The following GALNT13 variants were observed in gnomAD, a reference collection of about 807,000 sequenced individuals.
GALNT13 encodes polypeptide N-acetylgalactosaminyltransferase 13, also known as UDP-GalNAc:polypeptide N-acetylgalactosaminyltransferase 13.
GALNT13 carries 28 observed loss-of-function variants against 64.2 expected under a neutral mutation model. The observed-to-expected ratio is 0.44, with a 90% confidence interval of 0.32 to 0.60. The LOEUF is 0.60. GALNT13 is among the 20% of genes least tolerant of loss of function. The pLI is 0.05. For synonymous variants in GALNT13, 214 were observed against 224.6 expected, an observed-to-expected ratio of 0.95 and a Z score of 0.42; for missense variants, 577 against 669.8, an observed-to-expected ratio of 0.86 and a Z score of 1.53.
At chr2:153,977,112 A>G (rs962506380) in intron 3 of GALNT13, among the ~76,000 whole-genome samples, 2 of 152,170 alleles carry the variant, frequency 1.3e-5, no homozygotes, top group Non-Finnish European at 2.9e-5. Context: ...ATCTAGGTGT[A>G]GTAAGCTGTC....
the GALNT13 span, among the ~76,000 whole-genome samples, chr2:153,611,039 A>T: frequency 6.6e-6 from 1 of 152,186 alleles, no homozygotes; most frequent in Non-Finnish European, 1.5e-5. Flanking sequence ...AAATATAGTC[A>T]TGATAAAGAT....
the GALNT13 span, among the ~76,000 whole-genome samples, chr2:153,551,104 C>A: frequency 9.5e-4 from 144 of 152,222 alleles, no homozygotes; most frequent in African/African-American, 3.3e-3. Flanking sequence ...AAATATTGCC[C>A]TTTAAAGCTG....
chr2:153,881,003 C>T (rs1439912656), intron 1 of GALNT13, among the ~76,000 whole-genome samples: 3 of 152,080 alleles, frequency 2.0e-5, no homozygotes, highest in Non-Finnish European at 4.4e-5. Context: ...TTAAAAAAGG[C>T]TGTTCATTTA....
chr2:153,386,119 A>G, the GALNT13 span, among the ~76,000 whole-genome samples: 8 of 152,054 alleles, frequency 5.3e-5, no homozygotes, highest in South Asian at 1.7e-3. Context: ...CATGTTCCAC[A>G]TATGCAAGAT....
chr2:153,258,068 A>G, the GALNT13 span, among the ~76,000 whole-genome samples: 32 of 152,360 alleles, frequency 2.1e-4, 1 homozygote, highest in South Asian at 3.9e-3. Flanking sequence ...ATTTGAGGGT[A>G]CAAACCTATG....
chr2:153,635,280 C>A, the GALNT13 span, among the ~76,000 whole-genome samples: 3 of 151,724 alleles, frequency 2.0e-5, no homozygotes, highest in Non-Finnish European at 2.9e-5. Context: ...AGTACACTAC[C>A]TTTCCACAAT....
the GALNT13 span, among the ~76,000 whole-genome samples, chr2:153,168,271 G>T: frequency 6.6e-6 from 1 of 152,158 alleles, no homozygotes; most frequent in East Asian, 1.9e-4. Context: ...ATATTTTAAT[G>T]TGAAATAGGA....
chr2:154,160,482 A>G (rs555315118), intron 4 of GALNT13, among the ~76,000 whole-genome samples: 152 of 152,196 alleles, frequency 1.0e-3, no homozygotes, highest in Non-Finnish European at 1.7e-3. Flanking sequence ...CAAATTTGCA[A>G]AGGTACTTCT....
the GALNT13 span, among the ~76,000 whole-genome samples, chr2:153,263,436 A>C: frequency 6.6e-6 from 1 of 152,162 alleles, no homozygotes; most frequent in Admixed American, 6.5e-5. Flanking sequence ...ACAGAATTAG[A>C]AAAAAATCTA....
At chr2:154,367,300 C>T (rs765955327) in intron 9 of GALNT13, among the ~76,000 whole-genome samples, 2 of 151,922 alleles carry the variant, frequency 1.3e-5, no homozygotes, top group Non-Finnish European at 2.9e-5. Context: ...TTTGTCAATC[C>T]CCTCTCTAGA....
chr2:154,376,325 T>C (rs1486694759), intron 9 of GALNT13, among the ~76,000 whole-genome samples: 1 of 152,176 alleles, frequency 6.6e-6, no homozygotes, highest in Non-Finnish European at 1.5e-5. Context: ...TTTGCTAATA[T>C]ATTGCATTAT....
At chr2:153,979,779 T>A (rs777383738) in intron 3 of GALNT13, among the ~76,000 whole-genome samples, 59 of 152,338 alleles carry the variant, frequency 3.9e-4, no homozygotes, top group Admixed American at 9.2e-4. Flanking sequence ...AGATTCAGCA[T>A]CTACGTGAGG....
intron 3 of GALNT13, among the ~76,000 whole-genome samples, chr2:154,079,907 A>C (rs971207405): frequency 2.0e-5 from 3 of 151,612 alleles, no homozygotes. Flanking sequence ...ATTAAGGAAA[A>C]TTTACATTAC....
the GALNT13 span, among the ~76,000 whole-genome samples, chr2:153,251,278 T>C: frequency 6.6e-6 from 1 of 152,182 alleles, no homozygotes; most frequent in African/African-American, 2.4e-5. Context: ...ACAGTAATAA[T>C]TGTAATTGAT....
chr2:154,047,080 C>T (rs1225212273), intron 3 of GALNT13, among the ~76,000 whole-genome samples: 1 of 151,998 alleles, frequency 6.6e-6, no homozygotes, highest in Non-Finnish European at 1.5e-5. Flanking sequence ...TTTGATGAGC[C>T]CTTCTCTTAC....
the GALNT13 span, among the ~76,000 whole-genome samples, chr2:153,435,311 G>T: frequency 2.0e-5 from 3 of 152,126 alleles, no homozygotes; most frequent in Non-Finnish European, 2.9e-5. Context: ...GGCGATGCAG[G>T]CTCTTTTTTG....
chr2:154,432,621 T>G (rs182987481), intron 11 of GALNT13, among the ~76,000 whole-genome samples: 12 of 152,312 alleles, frequency 7.9e-5, no homozygotes, highest in Non-Finnish European at 1.6e-4. Context: ...GAGAATCATC[T>G]TTTTCCTCTT....
At chr2:154,436,169 C>A (rs977042281) in intron 11 of GALNT13, 1 of 151,986 alleles carries the variant, frequency 6.6e-6, no homozygotes, top group Non-Finnish European at 1.5e-5. Context: ...ATTTTAACAT[C>A]TGTTAATTTT....
the GALNT13 span, among the ~76,000 whole-genome samples, chr2:153,633,348 T>A: frequency 6.6e-6 from 1 of 152,186 alleles, no homozygotes. Flanking sequence ...ATGCTTAAGC[T>A]ACACATAAAA....
Sources: allele counts gnomAD v4.1 joint callset (sites outside exome capture counted in the v4.1 genomes callset), GRCh38; gene constraint gnomAD v4.1.1; transcripts MANE v1.5; gene names NCBI Gene and HGNC (gene_info 2026-07-23, HGNC 2026-07-21).